Variants in PHKB observed in about 807,000 individuals in gnomAD.
PHKB encodes the protein phosphorylase kinase regulatory subunit beta.
PHKB carries 122 observed loss-of-function variants against 152.1 expected under a neutral mutation model. That is an observed-to-expected ratio of 0.80 (90% CI 0.69 to 0.93). The LOEUF is 0.93. PHKB is among the 40% of genes least tolerant of loss of function. The pLI is 0.00. For synonymous variants in PHKB, 436 were observed against 464.9 expected (o/e 0.94, Z 0.80); for missense variants, 1,304 against 1,328.4 (o/e 0.98, Z 0.29).
Position 47,530,350 on chromosome 16 carries a change from G to C in PHKB, c.594+14749G>C, listed in dbSNP as rs367725880. 9.2e-5 allele frequency among the ~76,000 whole-genome samples: 14 copies of C among 152,042 alleles called. No individual in the cohort carries two copies. The East Asian group carries it at 2.1e-3, about 23-fold the overall frequency. ...GTGGTTTCGCCCACCCAGTAGAGAT[G>C]GGTTTTGCCCAGACTGTTTTTGAAC... On this transcript the variant is annotated intron_variant, in intron 6 of 30. Transcript: ENST00000323584.
chr16:47,511,605 C>G (rs1017294684), intron 4 of PHKB, 60 bp from the exon 5 acceptor site: 1 of 1,185,646 alleles, frequency 8.4e-7, no homozygotes, highest in South Asian at 1.2e-5. Flanking sequence ...AGCTTTTAAT[C>G]TATAGTCTTG....
At chr16:47,567,641 T>G (rs1019179569) in intron 7 of PHKB, among the ~76,000 whole-genome samples, 9 of 152,240 alleles carry the variant, frequency 5.9e-5, no homozygotes, top group Admixed American at 5.9e-4. Flanking sequence ...GGCTTTCACC[T>G]TCTCCCTATT....
At chr16:47,673,532 G>A (rs1973672908) in intron 26 of PHKB, among the ~76,000 whole-genome samples, 1 of 152,116 alleles carries the variant, frequency 6.6e-6, no homozygotes, top group Non-Finnish European at 1.5e-5. Context: ...ATATCAGGAT[G>A]TAGCACTTTT....
At chr16:47,549,909 C>T (rs1000212079) in intron 7 of PHKB, among the ~76,000 whole-genome samples, 2 of 151,206 alleles carry the variant, frequency 1.3e-5, no homozygotes, top group African/African-American at 4.9e-5. Flanking sequence ...TTTTTTTTTG[C>T]CATCGTTTGC....
At chr16:47,510,117 A>G (rs1970484969) in intron 4 of PHKB, among the ~76,000 whole-genome samples, 2 of 152,244 alleles carry the variant, frequency 1.3e-5, no homozygotes, top group South Asian at 4.1e-4. Context: ...TCCTGAGCAC[A>G]GGATCATCTG....
At chr16:47,570,578 A>C (rs1233180626) in intron 7 of PHKB, among the ~76,000 whole-genome samples, 1 of 151,920 alleles carries the variant, frequency 6.6e-6, no homozygotes, top group African/African-American at 2.4e-5. Flanking sequence ...CTGTTGTTAA[A>C]AATTTCCACT....
intron 26 of PHKB, among the ~76,000 whole-genome samples, chr16:47,671,778 G>T (rs1973642553): frequency 6.6e-6 from 1 of 152,126 alleles, no homozygotes; most frequent in Admixed American, 6.5e-5. Context: ...GTGAAACATT[G>T]CGAACAACCT....
chr16:47,508,428 GTATC>G lies in PHKB; in HGVS notation c.406-3230_406-3227del, dbSNP rs1462274953. Among the ~76,000 whole-genome samples, 6 of 152,094 alleles carry G rather than the reference GTATC, an allele frequency of 3.9e-5. 1 individual carries two copies. Among genetic ancestry groups the G allele is most frequent in the African/African-American group, 7.2e-5 (3 of 41,406 alleles). On this transcript the variant is annotated intron_variant, in intron 4 of 30. Transcript: ENST00000323584. ...TTTATAATAGGCTATAAATGTTGCT[GTATC>G]TATCTACTGAAAATTTTTTTTAAAT...
intron 7 of PHKB, chr16:47,562,038 C>G (rs1971484424): frequency 6.6e-6 from 1 of 152,138 alleles, no homozygotes; most frequent in African/African-American, 2.4e-5. Context: ...AGCTTTAAGG[C>G]TGGTAGAGTC....
intron 6 of PHKB, among the ~76,000 whole-genome samples, chr16:47,532,935 T>C (rs527295509): frequency 2.6e-5 from 4 of 152,366 alleles, no homozygotes; most frequent in Non-Finnish European, 5.9e-5. Context: ...AAGAGCTTTA[T>C]TGAGCAGTGG....
chr16:47,627,319 A>G (rs1422352804), intron 14 of PHKB, among the ~76,000 whole-genome samples: 1 of 152,218 alleles, frequency 6.6e-6, no homozygotes, highest in Non-Finnish European at 1.5e-5. Context: ...CCATTTTGGC[A>G]TTGTTTCTAT....
At chr16:47,483,497 C>T (rs1490028560) in intron 1 of PHKB, among the ~76,000 whole-genome samples, 1 of 151,908 alleles carries the variant, frequency 6.6e-6, no homozygotes, top group Non-Finnish European at 1.5e-5. Context: ...AAATAATGAC[C>T]CTGAGTTTCT....
chr16:47,605,970 G>A (rs1567324615), intron 13 of PHKB, among the ~76,000 whole-genome samples: 1 of 152,120 alleles, frequency 6.6e-6, no homozygotes, highest in African/African-American at 2.4e-5. Context: ...AAACACTCAG[G>A]TGCCTCTGGT....
At chr16:47,465,446 T>C (rs1275481738) in intron 1 of PHKB, among the ~76,000 whole-genome samples, 2 of 152,228 alleles carry the variant, frequency 1.3e-5, no homozygotes, top group Non-Finnish European at 2.9e-5. Context: ...TGAAGGTATA[T>C]ACAAGACGCT....
intron 1 of PHKB, among the ~76,000 whole-genome samples, chr16:47,468,608 G>A (rs1008651219): frequency 1.3e-5 from 2 of 152,206 alleles, no homozygotes; most frequent in Non-Finnish European, 2.9e-5. Context: ...AGCTGAGATC[G>A]TGCCATTGCA....
intron 7 of PHKB, among the ~76,000 whole-genome samples, chr16:47,557,332 T>G (rs1442374769): frequency 6.6e-6 from 1 of 152,154 alleles, no homozygotes; most frequent in Non-Finnish European, 1.5e-5. Flanking sequence ...GGCAAGGACT[T>G]CATGTCTAAA....
intron 18 of PHKB, among the ~76,000 whole-genome samples, 195 bp from the exon 19 acceptor site, chr16:47,650,349 G>A (rs1791155559): frequency 1.3e-5 from 2 of 152,186 alleles, no homozygotes; most frequent in African/African-American, 4.8e-5. Context: ...ACTCAAAGTG[G>A]TGTTCAGCAT....
chr16:47,506,335 ATATT>A (rs1392412226), intron 4 of PHKB, among the ~76,000 whole-genome samples: 1 of 152,244 alleles, frequency 6.6e-6, no homozygotes, highest in Non-Finnish European at 1.5e-5. Context: ...GAGAAAAAGT[ATATT>A]TATTCATAAG....
chr16:47,612,519 G>T (rs1972446990), intron 14 of PHKB, among the ~76,000 whole-genome samples: 1 of 152,194 alleles, frequency 6.6e-6, no homozygotes, highest in Non-Finnish European at 1.5e-5. Flanking sequence ...GAGTGACTGA[G>T]AGTGAATTTT....
Sources: gnomAD v4.1 joint callset for allele counts (sites outside exome capture counted in the v4.1 genomes callset) on GRCh38, gnomAD v4.1.1 for gene constraint, MANE v1.5 for transcripts, NCBI Gene and HGNC (gene_info 2026-07-23, HGNC 2026-07-21) for gene names.